The following PIP4K2A variants were observed in gnomAD, a reference collection of about 807,000 sequenced individuals.
The protein encoded by PIP4K2A is phosphatidylinositol-5-phosphate 4-kinase type 2 alpha, also known as phosphatidylinositol 5-phosphate 4-kinase type-2 alpha.
Under a neutral mutation model 42.9 loss-of-function variants are expected in PIP4K2A, and 14 were observed. The ratio of observed to expected loss-of-function variants is 0.33; its 90% CI spans 0.22 to 0.51. PIP4K2A has a LOEUF of 0.51. Among genes scored for constraint, PIP4K2A ranks in the 20% least tolerant of loss-of-function variants. The probability of loss-of-function intolerance (pLI) is 0.97; values close to 1 mark genes in which losing one functional copy is unlikely to be tolerated. For synonymous variants in PIP4K2A, 192 were observed against 192.2 expected (o/e 1.00, Z 0.01); for missense variants, 434 against 519.8 (o/e 0.83, Z 1.61).
At chr10:22,618,583 T>C (rs910660122) in intron 1 of PIP4K2A, among the ~76,000 whole-genome samples, 4 of 152,118 alleles carry the variant, frequency 2.6e-5, no homozygotes, top group African/African-American at 7.2e-5. Flanking sequence ...GAAAATATTT[T>C]CCATAATGTC....
chr10:22,563,355 T>TA (rs926988263), intron 6 of PIP4K2A, among the ~76,000 whole-genome samples: 1 of 152,224 alleles, frequency 6.6e-6, no homozygotes, highest in Non-Finnish European at 1.5e-5. Flanking sequence ...GCATTAAACG[T>TA]AAAAGTTTTA....
At chr10:22,565,366 T>TGG (rs1836821727) in intron 6 of PIP4K2A, among the ~76,000 whole-genome samples, 1 of 152,250 alleles carries the variant, frequency 6.6e-6, no homozygotes, top group Non-Finnish European at 1.5e-5. Flanking sequence ...GAAGATTTTA[T>TGG]GGACATTTAT....
At position 22,596,035 on chromosome 10, in the gene PIP4K2A, G is replaced by A. The variant is rs151087758; in HGVS notation, c.340-4254C>T. 1.4e-3 allele frequency among the ~76,000 whole-genome samples: 209 copies of A among 151,248 alleles called. 1 individual carries two copies. Among genetic ancestry groups the A allele is most frequent in the African/African-American group, 4.7e-3 (193 of 41,186 alleles). ...AGCCTGACCAACATGGAGAAGCCCCGTCTCTACTAAAAATACAAAATTATG... is the reference window on the plus strand; with the variant it reads ...AGCCTGACCAACATGGAGAAGCCCCATCTCTACTAAAAATACAAAATTATG... On this transcript the variant is annotated intron_variant, in intron 3 of 9. Transcript: ENST00000376573.
intron 6 of PIP4K2A, among the ~76,000 whole-genome samples, chr10:22,560,342 G>C (rs191717669): frequency 6.6e-6 from 1 of 152,178 alleles, no homozygotes; most frequent in Admixed American, 6.5e-5. Context: ...GGAGCCCGCC[G>C]CCCTGGCCAC....
intron 4 of PIP4K2A, among the ~76,000 whole-genome samples, chr10:22,574,450 T>TTTG (rs1837065555): frequency 6.6e-6 from 1 of 151,262 alleles, no homozygotes; most frequent in African/African-American, 2.4e-5. Context: ...TTCTGTTTTT[T>TTTG]TTTTTTTTTA....
chr10:22,616,545 A>G (rs886627309), intron 1 of PIP4K2A, among the ~76,000 whole-genome samples: 1 of 152,198 alleles, frequency 6.6e-6, no homozygotes, highest in African/African-American at 2.4e-5. Context: ...TACCTGGAAT[A>G]TAAAATTCAG....
At chr10:22,559,531 CTT>C (rs1836635164) in intron 6 of PIP4K2A, among the ~76,000 whole-genome samples, 1 of 152,170 alleles carries the variant, frequency 6.6e-6, no homozygotes, top group Non-Finnish European at 1.5e-5. Context: ...GTGATCCTCT[CTT>C]TTTGTCACGT....
chr10:22,628,385 TC>T (rs1209014443), intron 1 of PIP4K2A, among the ~76,000 whole-genome samples: 2 of 152,166 alleles, frequency 1.3e-5, no homozygotes, highest in Non-Finnish European at 2.9e-5. Flanking sequence ...TTAGAAAAAG[TC>T]TCAAAAATCA....
intron 7 of PIP4K2A, 65 bp from the exon 8 acceptor site, chr10:22,542,112 G>C: frequency 6.9e-7 from 1 of 1,450,752 alleles, no homozygotes; most frequent in Non-Finnish European, 9.4e-7. Context: ...ATTTAAAGGA[G>C]ACAAGCTCGG....
In PIP4K2A at chr10:22,588,368, T is replaced by G. The variant is rs12269013; in HGVS notation, c.492+3261A>C. On this transcript the variant is annotated intron_variant, in intron 4 of 9. Coordinates refer to ENST00000376573, the MANE Select transcript of PIP4K2A (RefSeq NM_005028.5). Reference sequence around the variant, plus strand: ...TGTTTTATCAGGTCAGATGTCCCTGTGTCCGCTCTGTGGGGAACTCCTTAG... The same window carrying G: ...TGTTTTATCAGGTCAGATGTCCCTGGGTCCGCTCTGTGGGGAACTCCTTAG... 5.8e-3 allele frequency among the ~76,000 whole-genome samples: 872 copies of G among 151,172 alleles called. 5 individuals are homozygous for G. The highest frequency in any genetic ancestry group is 0.02 in the African/African-American group (821 of 40,480).
At chr10:22,650,741 C>T (rs1321207380) in intron 1 of PIP4K2A, among the ~76,000 whole-genome samples, 1 of 152,208 alleles carries the variant, frequency 6.6e-6, no homozygotes, top group Non-Finnish European at 1.5e-5. Flanking sequence ...GATACATGAA[C>T]CAACTTCTAT....
intron 3 of PIP4K2A, among the ~76,000 whole-genome samples, chr10:22,593,238 A>G (rs1837553909): frequency 6.6e-6 from 1 of 152,198 alleles, no homozygotes; most frequent in South Asian, 2.1e-4. Context: ...ACGTTCTGCA[A>G]TAGCACACCT....
At chr10:22,569,937 C>A (rs1836944951) in intron 5 of PIP4K2A, among the ~76,000 whole-genome samples, 1 of 152,098 alleles carries the variant, frequency 6.6e-6, no homozygotes, top group African/African-American at 2.4e-5. Context: ...TTTATCTATG[C>A]CACAAGCCAG....
In PIP4K2A at chr10:22,705,078, T is replaced by C. The variant is rs1328563204; in HGVS notation, c.144+9105A>G. ...TCAATGCTTTCTAAATGAGGTTATA[T>C]GCTGAGGGAAGGACGGGGTGGGGGA... is the stretch of plus-strand genomic sequence containing the variant. On this transcript the variant is annotated intron_variant, in intron 1 of 9. Coordinates refer to ENST00000376573, the MANE Select transcript of PIP4K2A (RefSeq NM_005028.5). Among the ~76,000 whole-genome samples the C allele has an allele frequency of 4.0e-5, 6 of 151,370 alleles. No individual in the cohort carries two copies. The East Asian group carries it at 9.7e-4, about 25-fold the overall frequency.
intron 1 of PIP4K2A, among the ~76,000 whole-genome samples, chr10:22,677,098 A>C (rs1251331610): frequency 1.3e-5 from 2 of 152,190 alleles, no homozygotes; most frequent in Non-Finnish European, 2.9e-5. Flanking sequence ...TGTGAATTTC[A>C]TATCAAGTTA....
intron 5 of PIP4K2A, among the ~76,000 whole-genome samples, chr10:22,568,770 G>A (rs1220752850): frequency 6.6e-6 from 1 of 152,176 alleles, no homozygotes; most frequent in Non-Finnish European, 1.5e-5. Context: ...GAAACAAATG[G>A]TCTGGTGAAT....
At position 22,628,432 on chromosome 10, in the gene PIP4K2A, G is replaced by C. The variant is rs1838490193; in HGVS notation, c.145-18715C>G. Among the ~76,000 whole-genome samples the C allele has an allele frequency of 3.3e-5, 5 of 152,284 alleles. No homozygotes were observed. The South Asian group carries it at 1.0e-3, about 32-fold the overall frequency. ...TGTACCCTAAATGCTTTAAATTGTT[G>C]CTGTATACTCAGGAAACAGTAACGT... is the stretch of plus-strand genomic sequence containing the variant. On this transcript the variant is annotated intron_variant, in intron 1 of 9. Coordinates refer to ENST00000376573, the MANE Select transcript of PIP4K2A (RefSeq NM_005028.5).
intron 8 of PIP4K2A, among the ~76,000 whole-genome samples, chr10:22,540,654 T>C (rs1836081325): frequency 6.6e-6 from 1 of 152,052 alleles, no homozygotes; most frequent in Admixed American, 6.6e-5. Flanking sequence ...ACCTCCCGAG[T>C]TCAAGTGACT....
At chr10:22,538,316 G>A (rs1564410172) in intron 9 of PIP4K2A, among the ~76,000 whole-genome samples, 1 of 150,798 alleles carries the variant, frequency 6.6e-6, no homozygotes, top group East Asian at 1.9e-4. Context: ...CGAACTTGTG[G>A]CTTATGGGGA....
Sources: gnomAD v4.1 joint callset for allele counts (sites outside exome capture counted in the v4.1 genomes callset) on GRCh38, gnomAD v4.1.1 for gene constraint, MANE v1.5 for transcripts, NCBI Gene and HGNC (gene_info 2026-07-23, HGNC 2026-07-21) for gene names.